NRG3: variants seen among roughly 807,000 people sequenced by gnomAD.
The protein encoded by NRG3 is pro-neuregulin-3, membrane-bound isoform.
Under a neutral mutation model 66.9 loss-of-function variants are expected in NRG3, and 31 were observed. The observed-to-expected ratio is 0.46, with a 90% CI of 0.35 to 0.63. The LOEUF (loss-of-function observed/expected upper bound fraction) is 0.63. Among genes scored for constraint, NRG3 ranks in the 20% least tolerant of loss-of-function variants. The probability of loss-of-function intolerance (pLI) is 0.00; values close to 1 mark genes in which losing one functional copy is unlikely to be tolerated. For synonymous variants in NRG3, 393 were observed against 359.4 expected (o/e 1.09, Z -1.06); for missense variants, 910 against 878.9 (o/e 1.04, Z -0.45).
At chr10:82,872,984 A>C (rs1841481237) in intron 4 of NRG3, among the ~76,000 whole-genome samples, 2 of 152,172 alleles carry the variant, frequency 1.3e-5, no homozygotes, top group Admixed American at 1.3e-4. Context: ...CTTCAGTAAA[A>C]ACAAGTAACC....
chr10:82,243,693 C>T (rs1159767062), intron 1 of NRG3, among the ~76,000 whole-genome samples: 2 of 152,166 alleles, frequency 1.3e-5, no homozygotes, highest in Non-Finnish European at 2.9e-5. Context: ...AAATAAGTTA[C>T]TCCAACTTTC....
At chr10:82,496,744 A>G (rs1843668482) in intron 2 of NRG3, among the ~76,000 whole-genome samples, 1 of 152,004 alleles carries the variant, frequency 6.6e-6, no homozygotes, top group Non-Finnish European at 1.5e-5. Context: ...TTAATTCCAA[A>G]TTTTCTTCAT....
intron 4 of NRG3, among the ~76,000 whole-genome samples, chr10:82,879,958 CTTTTTTTTTTT>C (rs35159008): frequency 1.1e-4 from 9 of 78,460 alleles, no homozygotes; most frequent in African/African-American, 3.8e-4. Context: ...GATTTCATCC[CTTTTTTTTTTT>C]TTTTTTTTTT....
intron 1 of NRG3, among the ~76,000 whole-genome samples, chr10:82,308,770 G>A (rs1036438864): frequency 1.3e-5 from 2 of 152,086 alleles, no homozygotes; most frequent in East Asian, 3.9e-4. Flanking sequence ...CATGTGCTAG[G>A]ATTTTCTTTT....
At chr10:81,946,823 A>G (rs1848889418) in intron 1 of NRG3, among the ~76,000 whole-genome samples, 1 of 152,156 alleles carries the variant, frequency 6.6e-6, no homozygotes, top group Non-Finnish European at 1.5e-5. Flanking sequence ...TGCTTGGAAA[A>G]TATCTTGCAG....
chr10:82,036,513 T>A (rs1019873592), intron 1 of NRG3, among the ~76,000 whole-genome samples: 2 of 152,138 alleles, frequency 1.3e-5, no homozygotes, highest in Non-Finnish European at 2.9e-5. Context: ...GCCCTTATGA[T>A]TCAAAGCTTA....
intron 1 of NRG3, among the ~76,000 whole-genome samples, chr10:82,016,214 A>G (rs895200319): frequency 1.3e-5 from 2 of 152,064 alleles, no homozygotes; most frequent in African/African-American, 4.8e-5. Context: ...TAGAAGTGTT[A>G]TAATCAAGTG....
intron 2 of NRG3, among the ~76,000 whole-genome samples, chr10:82,404,915 C>A (rs75972292): frequency 6.6e-6 from 1 of 152,018 alleles, no homozygotes; most frequent in Admixed American, 6.6e-5. Context: ...TCTGGTAGAG[C>A]GAGAGTGCTT....
At chr10:82,479,789 A>C (rs950364430) in intron 2 of NRG3, among the ~76,000 whole-genome samples, 1 of 151,894 alleles carries the variant, frequency 6.6e-6, no homozygotes, top group Non-Finnish European at 1.5e-5. Flanking sequence ...AACATGGTAA[A>C]ACTCCGTCTC....
At chr10:81,953,552 C>G (rs1050756992) in intron 1 of NRG3, among the ~76,000 whole-genome samples, 5 of 152,044 alleles carry the variant, frequency 3.3e-5, no homozygotes, top group Non-Finnish European at 5.9e-5. Flanking sequence ...GTTAGTAACC[C>G]AAGAAAATAG....
At position 82,548,512 on chromosome 10, in the gene NRG3, C is replaced by T. The variant is rs145758530; in HGVS notation, c.953+189644C>T. The stretch of plus-strand genomic sequence containing the variant: ...ATAAGACAAACAAAATACACAAATA[C>T]ATTCTGTCTCTCACACACACACACA... On this transcript the variant is annotated intron_variant, in intron 2 of 8. Coordinates refer to ENST00000372141, the MANE Select transcript of NRG3 (RefSeq NM_001010848.4). Among the ~76,000 whole-genome samples the T allele has an allele frequency of 4.1e-3, 572 of 140,122 alleles. 5 individuals are homozygous for T. Among genetic ancestry groups the T allele is most frequent in the African/African-American group, 0.016 (561 of 35,182 alleles). The allele number at this position is 140,122 out of a possible 152,430, so 91.9% of individuals were successfully genotyped here. A position where few individuals can be genotyped will look rare whatever the true frequency, so the allele number is the denominator to read the frequency against.
chr10:82,661,363 A>G (rs2052346265), intron 2 of NRG3, among the ~76,000 whole-genome samples: 1 of 152,066 alleles, frequency 6.6e-6, no homozygotes, highest in Non-Finnish European at 1.5e-5. Context: ...TAAATATATA[A>G]ACAGCATATT....
chr10:82,490,289 C>T (rs1449098954), intron 2 of NRG3, among the ~76,000 whole-genome samples: 2 of 152,122 alleles, frequency 1.3e-5, no homozygotes, highest in South Asian at 2.1e-4. Flanking sequence ...TTTCAGATTG[C>T]TTTTCCCCTC....
intron 3 of NRG3, among the ~76,000 whole-genome samples, chr10:82,795,733 A>G (rs1443046808): frequency 2.0e-5 from 3 of 152,176 alleles, no homozygotes; most frequent in African/African-American, 7.2e-5. Context: ...GTAAAGCAGA[A>G]GAGACTTCCT....
chr10:81,922,495 G>A (rs1846352432), intron 1 of NRG3, among the ~76,000 whole-genome samples: 1 of 152,208 alleles, frequency 6.6e-6, no homozygotes, highest in South Asian at 2.1e-4. Flanking sequence ...TACTTATAGT[G>A]TGAACATGCA....
intron 1 of NRG3, among the ~76,000 whole-genome samples, chr10:82,180,928 G>A (rs1220434649): frequency 6.6e-6 from 1 of 151,632 alleles, no homozygotes; most frequent in African/African-American, 2.4e-5. Context: ...GTTATGTTTG[G>A]TGTTTTAACT....
At chr10:81,950,715 G>A (rs1028635518) in intron 1 of NRG3, among the ~76,000 whole-genome samples, 26 of 152,238 alleles carry the variant, frequency 1.7e-4, no homozygotes, top group Admixed American at 5.2e-4. Flanking sequence ...TTACTGGCAT[G>A]TTCATGGTGA....
chr10:82,549,110 T>A (rs1211524147), intron 2 of NRG3, among the ~76,000 whole-genome samples: 2 of 152,154 alleles, frequency 1.3e-5, no homozygotes, highest in Non-Finnish European at 2.9e-5. Context: ...GTACAACTTG[T>A]ACAGTTAACC....
At position 82,083,844 on chromosome 10, in the gene NRG3, C is replaced by T. The variant is rs975572294; in HGVS notation, c.823+207681C>T. Among the ~76,000 whole-genome samples, 7 of 151,326 alleles carry T rather than the reference C, an allele frequency of 4.6e-5. No individual in the cohort carries two copies. In the South Asian group the frequency reaches 1.5e-3, roughly 32 times the overall value. On this transcript the variant is annotated intron_variant, in intron 1 of 8. Transcript: ENST00000372141. ...GTTGGTCAGGCTGGTCTCAAACTCC[C>T]GACCTCAGGTGATCCACCTGCCTTG...
Sources: allele counts gnomAD v4.1 joint callset (sites outside exome capture counted in the v4.1 genomes callset), GRCh38; gene constraint gnomAD v4.1.1; transcripts MANE v1.5; gene names NCBI Gene and HGNC (gene_info 2026-07-23, HGNC 2026-07-21).